PROS1: variants seen among roughly 807,000 people sequenced by gnomAD.
PROS1 encodes vitamin K-dependent protein S.
PROS1 carries 29 observed loss-of-function variants against 75.9 expected under a neutral mutation model. The ratio of observed to expected loss-of-function variants is 0.38; its 90% CI spans 0.28 to 0.52. The LOEUF (loss-of-function observed/expected upper bound fraction) is 0.52, where lower values mean the gene tolerates loss of function less well. PROS1 is among the 20% of genes least tolerant of loss of function. The probability of loss-of-function intolerance (pLI) is 0.83; values close to 1 mark genes in which losing one functional copy is unlikely to be tolerated. For synonymous variants in PROS1, 245 were observed against 280.6 expected (o/e 0.87, Z 1.27); for missense variants, 680 against 810.3 (o/e 0.84, Z 1.95).
At chr3:93,928,627 T>C (rs1197115588) in intron 1 of PROS1, 3 of 537,196 alleles carry the variant, frequency 5.6e-6, no homozygotes, top group South Asian at 1.9e-5. Flanking sequence ...CTGTGGAGAT[T>C]GTTGTTGAAC....
chr3:93,934,913 T>A (rs1232836349), intron 1 of PROS1, among the ~76,000 whole-genome samples: 1 of 151,884 alleles, frequency 6.6e-6, no homozygotes, highest in Non-Finnish European at 1.5e-5. Context: ...AATTATAACT[T>A]CAATTTACAG....
At chr3:93,876,106 C>T (rs549079431) in intron 14 of PROS1, among the ~76,000 whole-genome samples, 21 of 152,226 alleles carry the variant, frequency 1.4e-4, no homozygotes, top group South Asian at 4.2e-4. Flanking sequence ...CACATATCTC[C>T]GATCTATTTA....
intron 3 of PROS1, among the ~76,000 whole-genome samples, chr3:93,917,510 G>C (rs1708875025): frequency 6.6e-6 from 1 of 152,194 alleles, no homozygotes; most frequent in Non-Finnish European, 1.5e-5. Context: ...CTCCCACTTT[G>C]GCGGCACTTG....
chr3:93,907,355 A>C (rs1230144184), intron 4 of PROS1, among the ~76,000 whole-genome samples: 1 of 152,046 alleles, frequency 6.6e-6, no homozygotes, highest in African/African-American at 2.4e-5. Context: ...GAGAAGAACC[A>C]CTGTCTCCAG....
chr3:93,914,134 C>T (rs374236840), intron 3 of PROS1, among the ~76,000 whole-genome samples: 1 of 152,214 alleles, frequency 6.6e-6, no homozygotes, highest in African/African-American at 2.4e-5. Context: ...CTTGTGCCAG[C>T]AGCTCTCCCA....
chr3:93,969,748 G>T (rs1709846570), intron 1 of PROS1, among the ~76,000 whole-genome samples: 1 of 152,080 alleles, frequency 6.6e-6, no homozygotes, highest in Non-Finnish European at 1.5e-5. Flanking sequence ...TTATTTAACT[G>T]CTCCTTCCTT....
intron 2 of PROS1, among the ~76,000 whole-genome samples, chr3:93,925,729 C>T (rs546336071): frequency 1.0e-4 from 15 of 147,278 alleles, no homozygotes; most frequent in Admixed American, 1.4e-4. Flanking sequence ...GAGGCTGAGA[C>T]GGGAGGATTG....
At chr3:93,965,202 A>C (rs562431207) in intron 1 of PROS1, among the ~76,000 whole-genome samples, 2 of 152,262 alleles carry the variant, frequency 1.3e-5, no homozygotes, top group South Asian at 4.1e-4. Flanking sequence ...TCTATTTCAC[A>C]ATATTAAATC....
At chr3:93,944,183 C>T (rs530662603) in intron 1 of PROS1, among the ~76,000 whole-genome samples, 22 of 152,184 alleles carry the variant, frequency 1.4e-4, no homozygotes, top group South Asian at 4.2e-4. Flanking sequence ...AAGACTAACA[C>T]GAAACCAGAT....
At chr3:93,925,381 G>A (rs1406323247) in intron 2 of PROS1, among the ~76,000 whole-genome samples, 1 of 152,042 alleles carries the variant, frequency 6.6e-6, no homozygotes, top group East Asian at 1.9e-4. Context: ...GTGATATTGC[G>A]ACCGTCAAAG....
chr3:93,875,817 C>A (rs957483098), intron 14 of PROS1, among the ~76,000 whole-genome samples: 8 of 152,098 alleles, frequency 5.3e-5, no homozygotes, highest in African/African-American at 1.9e-4. Context: ...ATCAGAGGTC[C>A]AGACATCAAA....
chr3:93,887,085 A>AT (rs1708359995), intron 10 of PROS1, among the ~76,000 whole-genome samples: 1 of 151,430 alleles, frequency 6.6e-6, no homozygotes, highest in Non-Finnish European at 1.5e-5. Context: ...CGCCCGGCTA[A>AT]TTTTTTGTAT....
At chr3:93,934,845 T>C (rs1709157349) in intron 1 of PROS1, among the ~76,000 whole-genome samples, 1 of 151,852 alleles carries the variant, frequency 6.6e-6, no homozygotes, top group South Asian at 2.1e-4. Context: ...ACAGGAGCAA[T>C]GCCTGAACTG....
At chr3:93,883,591 C>A (rs527590663) in intron 12 of PROS1, among the ~76,000 whole-genome samples, 17 of 150,168 alleles carry the variant, frequency 1.1e-4, no homozygotes, top group Admixed American at 6.0e-4. Context: ...GAGACTCAGT[C>A]TCAAAAAAAA....
chr3:93,911,730 CT>C (rs1158668102), intron 3 of PROS1, among the ~76,000 whole-genome samples: 1 of 152,176 alleles, frequency 6.6e-6, no homozygotes, highest in Non-Finnish European at 1.5e-5. Flanking sequence ...TAAAGTGGCA[CT>C]TCTTTCATGA....
rs535366972 is a variant in PROS1 at position 93,973,757 on chromosome 3, C to A, written c.-8G>T. On this transcript the variant is annotated 5_prime_UTR_variant, in exon 1 of 15. Transcript: ENST00000394236. The stretch of plus-strand genomic sequence containing the variant: ...CCCACCCAGGACCCTCATTTCGAAG[C>A]GCGCGGAGGCGCCGGCAGGGACGGT... 23 of 1,609,182 alleles carry A rather than the reference C, an allele frequency of 1.4e-5. No individual in the cohort carries two copies. The highest frequency in any genetic ancestry group is 4.4e-5 in the South Asian group (4 of 90,636).
In PROS1 at chr3:93,898,563, T is replaced by C. The variant is rs1211117206; in HGVS notation, c.734A>G (p.Asp245Gly). The change falls in exon 8 of 15, where the codon GAT becomes GGT. Residue 245 changes from aspartate (D) to glycine (G), a missense_variant. Physicochemically the swap from Asp to Gly is moderately conservative, Grantham distance 94. Coordinates refer to ENST00000394236, the MANE Select transcript of PROS1 (RefSeq NM_000313.4). ...NLKSKSCEDI[D>G]ECSENMCAQL... The stretch of plus-strand genomic sequence containing the variant: ...AGCACACATGTTCTCAGAGCATTCA[T>C]CTATATCTGAGGTAAAAAAAACACA... The C allele has an allele frequency of 6.2e-7, 1 of 1,612,156 alleles. No individual in the cohort carries two copies. The highest frequency in any genetic ancestry group is 1.3e-5 in the African/African-American group (1 of 74,800).
chr3:93,973,838 G>A lies in PROS1; in HGVS notation c.-89C>T. ...GCGCCGCGGAGCTGCGAGCCTGTGC[G>A]CCTCGGTCTGAGCCGTGCTGCGCGG... On this transcript the variant is annotated 5_prime_UTR_variant, in exon 1 of 15. Transcript: ENST00000394236. The A allele has an allele frequency of 8.4e-7, 1 of 1,195,628 alleles. No homozygotes were observed. The highest frequency in any genetic ancestry group is 1.2e-6 in the Non-Finnish European group (1 of 859,708). 74.1% of individuals were successfully genotyped at this position (1,195,628 alleles called of 1,614,324 possible).
In PROS1 at chr3:93,886,502, A is replaced by G; in HGVS notation, c.1157T>C (p.Val386Ala). 6.2e-7 allele frequency: 1 copy of G among 1,604,684 alleles called. No individual in the cohort carries two copies. The highest frequency in any genetic ancestry group is 2.2e-5 in the East Asian group (1 of 44,720). ...ACTATGTTCTAATTCTTCCACAGAC[A>G]CCTACAATTAAAAAGAAAAATTACC... ...DVINNGLWNM[V>A]SVEELEHSIS... Residue 386 changes from valine to alanine, a missense_variant and splice_region_variant, in exon 11 of 15, where the codon GTG (valine) becomes GCG (alanine). Val to Ala is a moderately conservative substitution (Grantham distance 64). Coordinates refer to ENST00000394236, the MANE Select transcript of PROS1 (RefSeq NM_000313.4).
Sources: gnomAD v4.1 joint callset for allele counts (sites outside exome capture counted in the v4.1 genomes callset) on GRCh38, gnomAD v4.1.1 for gene constraint, MANE v1.5 for transcripts, NCBI Gene and HGNC (gene_info 2026-07-23, HGNC 2026-07-21) for gene names.